Variants in APP observed in about 807,000 individuals in gnomAD.
APP encodes amyloid beta precursor protein.
In APP, 31 loss-of-function variants were observed where a neutral mutation model predicts 101.4. That is an observed-to-expected ratio of 0.31 (90% CI 0.23 to 0.41). The LOEUF (loss-of-function observed/expected upper bound fraction) is 0.41. APP is among the 10% of genes least tolerant of loss of function. APP has a pLI of 1.00. For synonymous variants in APP, 366 were observed against 364.4 expected, an observed-to-expected ratio of 1.00 and a Z score of -0.05; for missense variants, 839 against 1,003.7, an observed-to-expected ratio of 0.84 and a Z score of 2.22.
chr21:26,154,435 T>C (rs2063334805), intron 1 of APP, among the ~76,000 whole-genome samples: 1 of 152,150 alleles, frequency 6.6e-6, no homozygotes, highest in South Asian at 2.1e-4. Context: ...AAAGATGAAC[T>C]GATCACTGGA....
At chr21:26,128,435 T>A (rs1173400575) in intron 1 of APP, among the ~76,000 whole-genome samples, 1 of 152,200 alleles carries the variant, frequency 6.6e-6, no homozygotes, top group African/African-American at 2.4e-5. Context: ...AGCCACAGTA[T>A]TAAATTTGTT....
At chr21:26,069,803 A>C (rs1568935914) in intron 3 of APP, among the ~76,000 whole-genome samples, 1 of 152,238 alleles carries the variant, frequency 6.6e-6, no homozygotes, top group Non-Finnish European at 1.5e-5. Context: ...AGAAAAAGCA[A>C]ACTTGTATCT....
Position 25,897,713 on chromosome 21 carries a change from T to G in APP, c.1964-40A>C, listed in dbSNP as rs199828840. 4.6e-6 allele frequency: 7 copies of G among 1,509,768 alleles called. No individual in the cohort carries two copies. In the East Asian group the frequency reaches 1.6e-4, roughly 34 times the overall value. The allele number at this position is 1,509,768 out of a possible 1,614,324, so 93.5% of individuals were successfully genotyped here. On this transcript the variant is annotated intron_variant, in intron 15 of 17. Transcript: ENST00000346798. Reference sequence around the variant, plus strand: ...AATTAAAGTATGCAGGACAACCAATTAGTTTTACTCATAAATAATAACACT... The same window carrying G: ...AATTAAAGTATGCAGGACAACCAATGAGTTTTACTCATAAATAATAACACT...
intron 8 of APP, among the ~76,000 whole-genome samples, chr21:25,994,098 C>T (rs1383570019): frequency 6.6e-6 from 1 of 152,138 alleles, no homozygotes; most frequent in Non-Finnish European, 1.5e-5. Flanking sequence ...GGTCTGTTTG[C>T]CTTTTGGGAT....
intron 1 of APP, among the ~76,000 whole-genome samples, chr21:26,168,586 CAA>C (rs35567091): frequency 0.041 from 6,238 of 152,258 alleles, 395 homozygotes; most frequent in African/African-American, 0.14. Flanking sequence ...TATTGCTCAA[CAA>C]AGTTACATAT....
In APP at chr21:26,052,623, G is replaced by A. The variant is rs556814366; in HGVS notation, c.468+613C>T. ...CCAAGTGCTCGGTCAGACTCACCCTGTGGAAAAATCAAGATGGTAGGCATG... is the reference window on the plus strand; with the variant it reads ...CCAAGTGCTCGGTCAGACTCACCCTATGGAAAAATCAAGATGGTAGGCATG... On this transcript the variant is annotated intron_variant, in intron 4 of 17. Coordinates refer to ENST00000346798, the MANE Select transcript of APP (RefSeq NM_000484.4). Among the ~76,000 whole-genome samples, 15 of 152,318 alleles carry A rather than the reference G, an allele frequency of 9.8e-5. No individual in the cohort carries two copies. In the South Asian group the frequency reaches 2.3e-3, roughly 23 times the overall value.
intron 8 of APP, among the ~76,000 whole-genome samples, chr21:25,988,965 T>A (rs2042751740): frequency 6.6e-6 from 1 of 152,162 alleles, no homozygotes; most frequent in Non-Finnish European, 1.5e-5. Context: ...CACACTGTGA[T>A]CTATTCTCAA....
chr21:25,991,439 G>A (rs570540929), intron 8 of APP, among the ~76,000 whole-genome samples: 2 of 152,150 alleles, frequency 1.3e-5, no homozygotes, highest in African/African-American at 2.4e-5. Flanking sequence ...GTGCGATGGT[G>A]TGATCTCAGC....
intron 6 of APP, among the ~76,000 whole-genome samples, chr21:26,019,722 CT>C (rs11295676): frequency 1 from 152,301 of 152,302 alleles, 76,150 homozygotes; most frequent in Middle Eastern, 1. Flanking sequence ...TCACCAAGGA[CT>C]TTCAGTCCCA....
At chr21:26,033,741 G>A (rs1352350446) in intron 5 of APP, among the ~76,000 whole-genome samples, 1 of 152,240 alleles carries the variant, frequency 6.6e-6, no homozygotes, top group Non-Finnish European at 1.5e-5. Context: ...AGGTGGAGGA[G>A]CGACAGTTGG....
chr21:26,090,003 T>G lies in APP; in HGVS notation c.295A>C (p.Lys99Gln). The change falls in exon 3 of 18, where the codon AAG becomes CAG. Residue 99 changes from lysine (K) to glutamine (Q), a missense_variant. By Grantham distance (53) the Lys-to-Gln change is moderately conservative (BLOSUM62 1). Transcript: ENST00000346798. ...NQPVTIQNWCKRGRKQCKTHP... is the reference protein window; with the variant it reads ...NQPVTIQNWCQRGRKQCKTHP... ...GTCTTGCACTGCTTGCGGCCCCGCT[T>G]GCACCAGTTCTGGATGGTCACTGGT... 1 of 1,614,216 alleles carries G rather than the reference T, an allele frequency of 6.2e-7. No individual in the cohort carries two copies. The highest frequency in any genetic ancestry group is 8.5e-7 in the Non-Finnish European group (1 of 1,180,038).
chr21:26,097,994 G>A (rs2061982998), intron 2 of APP, among the ~76,000 whole-genome samples: 2 of 150,194 alleles, frequency 1.3e-5, no homozygotes, highest in South Asian at 4.2e-4. Context: ...GCAGGAGAAT[G>A]GCGTGAACCT....
intron 8 of APP, among the ~76,000 whole-genome samples, chr21:25,989,150 A>G (rs2042759551): frequency 1.3e-5 from 2 of 152,204 alleles, no homozygotes; most frequent in South Asian, 4.1e-4. Context: ...AACTGTTAGC[A>G]TTTGAAGGGA....
intron 3 of APP, among the ~76,000 whole-genome samples, chr21:26,055,264 GGGA>G (rs2145972791): frequency 6.6e-6 from 1 of 152,184 alleles, no homozygotes; most frequent in Admixed American, 6.5e-5. Context: ...CACTTCCCAG[GGGA>G]GGAATCTCCG....
At chr21:26,001,756 C>A (rs1372451653) in intron 6 of APP, among the ~76,000 whole-genome samples, 1 of 131,046 alleles carries the variant, frequency 7.6e-6, no homozygotes, top group Admixed American at 1.0e-4. Flanking sequence ...GCCTCAGCCT[C>A]TCTAAGTGCT....
At chr21:26,040,500 G>A (rs906429597) in intron 5 of APP, among the ~76,000 whole-genome samples, 13 of 151,922 alleles carry the variant, frequency 8.6e-5, no homozygotes, top group East Asian at 5.8e-4. Context: ...GACTCGGGAG[G>A]CTAAGGCAGG....
rs2063728647 is a variant in APP at position 26,170,691 on chromosome 21, GCCGCCA to G, written c.-77_-72del. 1.3e-5 allele frequency: 18 copies of G among 1,413,472 alleles called. No individual in the cohort carries two copies. The highest frequency in any genetic ancestry group is 1.5e-5 in the Non-Finnish European group (16 of 1,079,550). The allele number at this position is 1,413,472 out of a possible 1,614,324, so 87.6% of individuals were successfully genotyped here. On this transcript the variant is annotated 5_prime_UTR_variant, in exon 1 of 18. Transcript: ENST00000346798. ...TCCGCCGCGTCCTTGCTCTGCCCGC[GCCGCCA>G]CCGCCGCCGTCTCCCGGGGCCCCCG...
intron 13 of APP, among the ~76,000 whole-genome samples, chr21:25,937,566 T>G (rs1037347256): frequency 3.9e-5 from 6 of 152,204 alleles, no homozygotes; most frequent in African/African-American, 1.2e-4. Flanking sequence ...CACTTTGGAT[T>G]TGAAGAGAGC....
At chr21:25,903,069 T>A (rs542530851) in intron 15 of APP, among the ~76,000 whole-genome samples, 97 of 118,416 alleles carry the variant, frequency 8.2e-4, no homozygotes, top group East Asian at 3.0e-3. Context: ...TTAAAAAAAA[T>A]TTTTTTTAAA....
Sources: gnomAD v4.1 joint callset for allele counts (sites outside exome capture counted in the v4.1 genomes callset) on GRCh38, gnomAD v4.1.1 for gene constraint, MANE v1.5 for transcripts, NCBI Gene and HGNC (gene_info 2026-07-23, HGNC 2026-07-21) for gene names.